The following GTF3C5 variants were observed in gnomAD, a reference collection of about 807,000 sequenced individuals.
GTF3C5 encodes general transcription factor IIIC subunit 5.
Under a neutral mutation model 61.0 loss-of-function variants are expected in GTF3C5, and 47 were observed. The observed-to-expected ratio is 0.77, with a 90% CI of 0.61 to 0.98. The LOEUF is 0.98. Ranked by LOEUF, GTF3C5 falls within the 50% of genes least tolerant of loss-of-function variation. The pLI is 0.00. For synonymous variants in GTF3C5, 295 were observed against 275.4 expected (o/e 1.07, Z -0.71); for missense variants, 659 against 703.3 (o/e 0.94, Z 0.71).
At chr9:133,031,775 G>A (rs965938746) in intron 1 of GTF3C5, among the ~76,000 whole-genome samples, 1 of 152,122 alleles carries the variant, frequency 6.6e-6, no homozygotes, top group Admixed American at 6.5e-5. Flanking sequence ...GGGTTGGACC[G>A]CACAGTCTAA....
intron 1 of GTF3C5, among the ~76,000 whole-genome samples, chr9:133,038,284 G>T (rs1050296458): frequency 6.6e-6 from 1 of 152,086 alleles, no homozygotes; most frequent in Non-Finnish European, 1.5e-5. Flanking sequence ...GCTGGACGGC[G>T]GCTGAAGGGG....
intron 3 of GTF3C5, among the ~76,000 whole-genome samples, chr9:133,047,323 A>G (rs1174167303): frequency 6.6e-6 from 1 of 152,000 alleles, no homozygotes; most frequent in Non-Finnish European, 1.5e-5. Flanking sequence ...CTCTACCACC[A>G]CCACCCCCTA....
At position 133,055,665 on chromosome 9, in the gene GTF3C5, G is replaced by A. The variant is rs572129657; in HGVS notation, c.1168-347G>A. On this transcript the variant is annotated intron_variant, in intron 8 of 10. Coordinates refer to ENST00000372097, the MANE Select transcript of GTF3C5 (RefSeq NM_012087.4). Reference sequence around the variant, plus strand: ...GGGTGACAAATTAGCAGCAGTGGGTGAGGGATAAGGTCAGAGTGCAGGAGG... The same window carrying A: ...GGGTGACAAATTAGCAGCAGTGGGTAAGGGATAAGGTCAGAGTGCAGGAGG... 58 of 985,428 alleles carry A rather than the reference G, an allele frequency of 5.9e-5. No individual in the cohort carries two copies. The African/African-American group carries it at 9.2e-4, about 16-fold the overall frequency. The allele number at this position is 985,428 out of a possible 1,614,324, so 61.0% of individuals were successfully genotyped here.
chr9:133,031,444 AG>A (rs1382488906), intron 1 of GTF3C5, among the ~76,000 whole-genome samples: 1 of 151,934 alleles, frequency 6.6e-6, no homozygotes, highest in Non-Finnish European at 1.5e-5. Flanking sequence ...CTCCGCCTCC[AG>A]GGTTCAAGCG....
Position 133,031,146 on chromosome 9 carries a change from C to T in GTF3C5, c.135C>T (p.Gly45=), listed in dbSNP as rs111287805. The T allele has an allele frequency of 6.1e-5, 96 of 1,574,054 alleles. No homozygotes were observed. The African/African-American group carries it at 6.5e-4, about 11-fold the overall frequency. ...DVAKMLPTLG[G]EEGVSRIYAD... ...CTAAGATGCTGCCGACTCTGGGCGG[C>T]GAGGAAGGCGTCTCCCGGGTAAGGG... The change falls in exon 1 of 11, where the codon GGC becomes GGT. Residue 45 remains glycine (G), a synonymous_variant. Transcript: ENST00000372097.
intron 8 of GTF3C5, chr9:133,055,035 C>T (rs1337439185): frequency 6.4e-7 from 1 of 1,551,662 alleles, no homozygotes; most frequent in East Asian, 2.4e-5. Flanking sequence ...GGTGACAAGT[C>T]TCAGGGAAGT....
intron 3 of GTF3C5, among the ~76,000 whole-genome samples, chr9:133,050,134 G>A (rs895354210): frequency 6.6e-6 from 1 of 152,076 alleles, no homozygotes; most frequent in Non-Finnish European, 1.5e-5. Flanking sequence ...GGCAGGACAG[G>A]TGTGTGATGG....
At chr9:133,053,975 T>C (rs201741529) in intron 6 of GTF3C5, 33 bp downstream of exon 6, 161 of 1,232,098 alleles carry the variant, frequency 1.3e-4, no homozygotes, top group Middle Eastern at 5.6e-4. Flanking sequence ...CTTCCTGCCT[T>C]TCTCTCTCTT....
chr9:133,040,484 G>C (rs1186624990), intron 1 of GTF3C5, among the ~76,000 whole-genome samples: 1 of 152,196 alleles, frequency 6.6e-6, no homozygotes, highest in Non-Finnish European at 1.5e-5. Flanking sequence ...ACCAGGAGCT[G>C]TGCTTTATAG....
At chr9:133,030,929 A>G (rs1849706802), upstream of GTF3C5, 1 of 1,493,134 alleles carries the variant, frequency 6.7e-7, no homozygotes, top group African/African-American at 1.4e-5. Flanking sequence ...GCCCGGAACG[A>G]TTCCTTCGCG....
intron 8 of GTF3C5, chr9:133,055,116 T>G: frequency 6.5e-7 from 1 of 1,549,794 alleles, no homozygotes; most frequent in South Asian, 1.2e-5. Context: ...CTGAGCCACG[T>G]GACCACTCCG....
At chr9:133,053,547 T>C (rs1001664993) in intron 5 of GTF3C5, among the ~76,000 whole-genome samples, 4 of 152,194 alleles carry the variant, frequency 2.6e-5, no homozygotes, top group African/African-American at 9.6e-5. Context: ...ATTTTGCCAC[T>C]GCACTCAGCC....
intron 5 of GTF3C5, 50 bp from the exon 6 acceptor site, chr9:133,053,778 G>A: frequency 8.1e-7 from 1 of 1,230,990 alleles, no homozygotes; most frequent in South Asian, 1.3e-5. Context: ...GCCCGTCCAG[G>A]GACCTGGGCC....
At chr9:133,033,453 C>G (rs1849786118) in intron 1 of GTF3C5, among the ~76,000 whole-genome samples, 1 of 152,160 alleles carries the variant, frequency 6.6e-6, no homozygotes, top group Non-Finnish European at 1.5e-5. Context: ...CATGGGTAAG[C>G]TCTTGGAAGG....
intron 5 of GTF3C5, among the ~76,000 whole-genome samples, chr9:133,052,691 A>G (rs953562922): frequency 6.6e-6 from 1 of 152,186 alleles, no homozygotes; most frequent in Admixed American, 6.5e-5. Context: ...ACAGAGCATT[A>G]GGGGAGGCCA....
In GTF3C5 at chr9:133,054,749, C is replaced by A; in HGVS notation, c.1107C>A (p.Gly369=). ...TCACCATGCATGACCTGAAGCAGGG[C>A]CTGGGCCCGTCGGGGACGAGTGGTG... ...QLVTMHDLKQ[G]LGPSGTSGAR... The change falls in exon 8 of 11, where the codon GGC becomes GGA. Residue 369 remains glycine, a synonymous_variant. Coordinates refer to ENST00000372097, the MANE Select transcript of GTF3C5 (RefSeq NM_012087.4). 1 of 1,584,562 alleles carries A rather than the reference C, an allele frequency of 6.3e-7. No homozygotes were observed. Among genetic ancestry groups the A allele is most frequent in the Admixed American group, 1.8e-5 (1 of 55,176 alleles).
intron 3 of GTF3C5, among the ~76,000 whole-genome samples, chr9:133,046,831 C>A (rs1850222061): frequency 6.6e-6 from 1 of 152,120 alleles, no homozygotes; most frequent in South Asian, 2.1e-4. Flanking sequence ...CCAGGGAGAA[C>A]TTTCCAGACC....
intron 1 of GTF3C5, among the ~76,000 whole-genome samples, chr9:133,041,837 C>T (rs965128320): frequency 2.6e-5 from 4 of 152,160 alleles, no homozygotes; most frequent in Non-Finnish European, 5.9e-5. Context: ...TGCCCCACAC[C>T]GAGCAGGCAC....
At chr9:133,053,706 C>T in intron 5 of GTF3C5, 122 bp from the exon 6 acceptor site, 1 of 587,106 alleles carries the variant, frequency 1.7e-6, no homozygotes, top group Non-Finnish European at 3.0e-6. Context: ...CAGAGCAGGG[C>T]TGGGCATCCA....
Sources: allele counts gnomAD v4.1 joint callset (sites outside exome capture counted in the v4.1 genomes callset), GRCh38; gene constraint gnomAD v4.1.1; transcripts MANE v1.5; gene names NCBI Gene and HGNC (gene_info 2026-07-23, HGNC 2026-07-21).